The following METTL6 variants were observed in gnomAD, a reference collection of about 807,000 sequenced individuals.
The protein encoded by METTL6 is tRNA N(3)-cytidine methyltransferase METTL6.
A neutral mutation model predicts 26.4 loss-of-function variants in METTL6; 22 were observed. The ratio of observed to expected loss-of-function variants is 0.83; its 90% CI spans 0.59 to 1.19. METTL6 has a LOEUF of 1.19. METTL6 is among the 50% of genes most tolerant of loss of function. The pLI is 0.00. For missense variants in METTL6, 304 were observed against 324.8 expected, an observed-to-expected ratio of 0.94 and a Z score of 0.49; for synonymous variants, 109 against 116.2, an observed-to-expected ratio of 0.94 and a Z score of 0.40.
intron 2 of METTL6, among the ~76,000 whole-genome samples, chr3:15,425,341 C>T (rs1267968423): frequency 6.6e-6 from 1 of 152,190 alleles, no homozygotes; most frequent in Non-Finnish European, 1.5e-5. Context: ...ATCTCAACTC[C>T]TCCCCTGCAT....
At chr3:15,418,599 G>C (rs2061542785) in intron 3 of METTL6, among the ~76,000 whole-genome samples, 1 of 152,182 alleles carries the variant, frequency 6.6e-6, no homozygotes, top group Non-Finnish European at 1.5e-5. Context: ...CCCAGAGGGA[G>C]AAGAGAGAAC....
chr3:15,415,057 A>C, intron 4 of METTL6: 2 of 910,954 alleles, frequency 2.2e-6, no homozygotes, highest in Non-Finnish European at 2.8e-6. Flanking sequence ...CAAACAAACA[A>C]ACAAACAAAA....
At chr3:15,405,304 C>A (rs1317386862), downstream of METTL6, among the ~76,000 whole-genome samples, 1 of 152,194 alleles carries the variant, frequency 6.6e-6, no homozygotes, top group Non-Finnish European at 1.5e-5. Flanking sequence ...AAAGTAAACA[C>A]CTTCAGAAGG....
At chr3:15,418,437 T>C (rs2061539539) in intron 3 of METTL6, among the ~76,000 whole-genome samples, 1 of 152,150 alleles carries the variant, frequency 6.6e-6, no homozygotes, top group African/African-American at 2.4e-5. Context: ...AAACAGGTAC[T>C]GCCTAGGAAA....
intron 3 of METTL6, among the ~76,000 whole-genome samples, chr3:15,424,313 C>T (rs936366173): frequency 5.3e-5 from 8 of 152,196 alleles, no homozygotes; most frequent in African/African-American, 1.9e-4. Context: ...GTCACCTAGG[C>T]TGGAGTGCAG....
chr3:15,411,295 G>A lies in METTL6; in HGVS notation c.816C>T (p.Asn272=), dbSNP rs1699953411. 8.1e-6 allele frequency: 13 copies of A among 1,614,220 alleles called. No homozygotes were observed. Among genetic ancestry groups the A allele is most frequent in the Non-Finnish European group, 1.1e-5 (13 of 1,180,034 alleles). Residue 272 remains asparagine, a synonymous_variant, in exon 6 of 6, where the codon AAC becomes AAT. Transcript: ENST00000383790. ...CCAGGCCCAGGACCACAGGAGATGG[G>A]TTCTTAGGAGGCTTTAGAAATTTGC... ...LQSKFLKPPK[N]PSPVVLGLDP... is the part of the protein sequence containing the mutation.
At chr3:15,396,455 G>A (rs893470242) in intron 6 of METTL6, among the ~76,000 whole-genome samples, 3 of 152,162 alleles carry the variant, frequency 2.0e-5, no homozygotes, top group African/African-American at 7.2e-5. Flanking sequence ...TTAGCTCAGA[G>A]TAGTTTGATT....
downstream of METTL6, among the ~76,000 whole-genome samples, chr3:15,408,320 C>T (rs1699856569): frequency 6.6e-6 from 1 of 152,010 alleles, no homozygotes. Context: ...ATGATTTGTG[C>T]ACTTTTCTGT....
chr3:15,417,574 G>A (rs141830435), intron 3 of METTL6, among the ~76,000 whole-genome samples: 7 of 152,016 alleles, frequency 4.6e-5, no homozygotes, highest in South Asian at 2.1e-4. Flanking sequence ...CATGGTTTGA[G>A]AATGGAGACA....
chr3:15,386,980 T>TG (rs150153922), intron 6 of METTL6, among the ~76,000 whole-genome samples: 11,273 of 151,942 alleles, frequency 0.074, 524 homozygotes, highest in African/African-American at 0.12. Context: ...TTAGCAGAGA[T>TG]GGGGGGTGGT....
chr3:15,422,319 C>T (rs2061627051), intron 3 of METTL6, among the ~76,000 whole-genome samples: 1 of 150,414 alleles, frequency 6.6e-6, no homozygotes, highest in Admixed American at 6.6e-5. Context: ...GAGTGAGACC[C>T]TATCTCAAAA....
intron 6 of METTL6, among the ~76,000 whole-genome samples, chr3:15,391,225 G>A (rs1403944389): frequency 1.3e-5 from 2 of 152,214 alleles, no homozygotes; most frequent in African/African-American, 4.8e-5. Flanking sequence ...ATGAGCACAG[G>A]ATGGGGAAAT....
At chr3:15,392,169 C>A (rs982422965) in intron 6 of METTL6, among the ~76,000 whole-genome samples, 1 of 151,978 alleles carries the variant, frequency 6.6e-6, no homozygotes, top group South Asian at 2.1e-4. Flanking sequence ...TGTTGTTTCC[C>A]GACTTTTTAA....
At chr3:15,427,130 T>C (rs1018681277) in intron 1 of METTL6, among the ~76,000 whole-genome samples, 8 of 152,174 alleles carry the variant, frequency 5.3e-5, no homozygotes, top group African/African-American at 1.9e-4. Flanking sequence ...GAGGCTGTCA[T>C]AGGAACCAGA....
chr3:15,427,607 C>A (rs146615412), upstream of METTL6: 84 of 627,712 alleles, frequency 1.3e-4, 1 homozygote, highest in African/African-American at 1.4e-3. Flanking sequence ...CCTCTCTCAC[C>A]CCCACGCAGA....
At chr3:15,393,105 G>A (rs1044141561) in intron 6 of METTL6, among the ~76,000 whole-genome samples, 1 of 152,070 alleles carries the variant, frequency 6.6e-6, no homozygotes, top group East Asian at 1.9e-4. Context: ...CCATTTTCAC[G>A]ATATTGATTC....
intron 3 of METTL6, among the ~76,000 whole-genome samples, chr3:15,418,881 C>T (rs1033517291): frequency 6.6e-6 from 1 of 152,014 alleles, no homozygotes; most frequent in East Asian, 1.9e-4. Context: ...AAAGTAAATC[C>T]TAGGAGTAAA....
At position 15,410,452 on chromosome 3, in the gene METTL6, A is replaced by T; in HGVS notation, c.*804T>A. Among the ~76,000 whole-genome samples, 1 of 152,110 alleles carries T rather than the reference A, an allele frequency of 6.6e-6. No homozygotes were observed. Among genetic ancestry groups the T allele is most frequent in the East Asian group, 1.9e-4 (1 of 5,184 alleles). On this transcript the variant is annotated 3_prime_UTR_variant, in exon 6 of 6. Coordinates refer to ENST00000383790, the MANE Select transcript of METTL6 (RefSeq NM_152396.4). ...AACCTCCCACCCCAGCTGGGACTACAGGCACATGCCACCACATTTGGCTAA... is the reference window on the plus strand; with the variant it reads ...AACCTCCCACCCCAGCTGGGACTACTGGCACATGCCACCACATTTGGCTAA...
In METTL6 at chr3:15,411,166, A is replaced by G; in HGVS notation, c.*90T>C. ...AACCTCGGCCTCCCGAAGTGCTGGGATTACAGGCATGAGCCACCGCACCCA... is the reference window on the plus strand; with the variant it reads ...AACCTCGGCCTCCCGAAGTGCTGGGGTTACAGGCATGAGCCACCGCACCCA... On this transcript the variant is annotated 3_prime_UTR_variant, in exon 6 of 6. Coordinates refer to ENST00000383790, the MANE Select transcript of METTL6 (RefSeq NM_152396.4). 9 of 1,420,690 alleles carry G rather than the reference A, an allele frequency of 6.3e-6. No individual in the cohort carries two copies. The highest frequency in any genetic ancestry group is 8.6e-6 in the Non-Finnish European group (9 of 1,048,656). The allele number at this position is 1,420,690 out of a possible 1,614,324, so 88.0% of individuals were successfully genotyped here. A position where few individuals can be genotyped will look rare whatever the true frequency, so the allele number is the denominator to read the frequency against.
Sources: allele counts gnomAD v4.1 joint callset (sites outside exome capture counted in the v4.1 genomes callset), GRCh38; gene constraint gnomAD v4.1.1; transcripts MANE v1.5; gene names NCBI Gene and HGNC (gene_info 2026-07-23, HGNC 2026-07-21).